GRM8: variants seen among roughly 807,000 people sequenced by gnomAD.
The protein encoded by GRM8 is glutamate metabotropic receptor 8.
In GRM8, 47 loss-of-function variants were observed where a neutral mutation model predicts 87.2. That is an observed-to-expected ratio of 0.54 (90% CI 0.43 to 0.69). The LOEUF (loss-of-function observed/expected upper bound fraction) is 0.69, where lower values mean the gene tolerates loss of function less well. Among genes scored for constraint, GRM8 ranks in the 30% least tolerant of loss-of-function variants. GRM8 has a pLI of 0.00. For missense variants in GRM8, 1,019 were observed against 1,139.2 expected (o/e 0.89, Z 1.52); for synonymous variants, 396 against 404.5 (o/e 0.98, Z 0.25).
chr7:126,590,079 T>C (rs1363873266), intron 8 of GRM8, among the ~76,000 whole-genome samples: 16 of 150,454 alleles, frequency 1.1e-4, no homozygotes, highest in Non-Finnish European at 1.5e-4. Context: ...TTAAGCTAAT[T>C]AAGGAGGCAG....
At chr7:126,785,604 C>T (rs1820540912) in intron 6 of GRM8, among the ~76,000 whole-genome samples, 1 of 151,994 alleles carries the variant, frequency 6.6e-6, no homozygotes, top group South Asian at 2.1e-4. Flanking sequence ...AGACCCGGGT[C>T]TTTTAAGACC....
intron 2 of GRM8, among the ~76,000 whole-genome samples, chr7:127,234,628 A>T (rs1797879934): frequency 6.6e-6 from 1 of 152,226 alleles, no homozygotes; most frequent in African/African-American, 2.4e-5. Context: ...GCAAAAGAGC[A>T]GCATCAGCAT....
At chr7:126,566,068 G>C (rs1003289603) in intron 8 of GRM8, among the ~76,000 whole-genome samples, 3 of 152,090 alleles carry the variant, frequency 2.0e-5, no homozygotes, top group African/African-American at 7.2e-5. Context: ...TGTAAGACCT[G>C]AAATTATAAT....
intron 8 of GRM8, 150 bp downstream of exon 8, chr7:126,609,212 C>A: frequency 1.9e-6 from 1 of 534,278 alleles, no homozygotes; most frequent in Non-Finnish European, 3.3e-6. Context: ...ATGTCCATAA[C>A]ATTTTTAAAT....
chr7:126,612,494 A>G (rs1298577915), intron 7 of GRM8, among the ~76,000 whole-genome samples: 2 of 152,018 alleles, frequency 1.3e-5, no homozygotes, highest in African/African-American at 4.8e-5. Flanking sequence ...TCTTACTCCA[A>G]CCCTGGGGAA....
chr7:127,186,338 A>G (rs537394336), intron 2 of GRM8, among the ~76,000 whole-genome samples: 8 of 152,268 alleles, frequency 5.3e-5, no homozygotes, highest in African/African-American at 1.9e-4. Flanking sequence ...TTCAGATAAC[A>G]CTTTCTACCT....
intron 3 of GRM8, among the ~76,000 whole-genome samples, chr7:127,067,820 T>C (rs1210117138): frequency 6.6e-6 from 1 of 152,216 alleles, no homozygotes; most frequent in Non-Finnish European, 1.5e-5. Context: ...ACAATAATCT[T>C]CATTTTCATC....
chr7:126,901,614 T>G (rs913192989), intron 6 of GRM8, among the ~76,000 whole-genome samples: 14 of 152,144 alleles, frequency 9.2e-5, no homozygotes, highest in African/African-American at 2.9e-4. Context: ...ATCTTTTATT[T>G]GAACAGCTAT....
chr7:127,022,557 G>A (rs1453325646), intron 3 of GRM8, among the ~76,000 whole-genome samples: 1 of 151,930 alleles, frequency 6.6e-6, no homozygotes, highest in Non-Finnish European at 1.5e-5. Flanking sequence ...GGGAGAATAA[G>A]GGATTTCGCT....
intron 9 of GRM8, among the ~76,000 whole-genome samples, chr7:126,472,348 T>C (rs964443532): frequency 6.6e-6 from 1 of 152,158 alleles, no homozygotes; most frequent in Non-Finnish European, 1.5e-5. Context: ...CTTATTATTT[T>C]GAAATACCTC....
rs1438616644 is a variant in GRM8 at position 126,532,965 on chromosome 7, T to G, written c.2417A>C (p.Gln806Pro). 6.2e-7 allele frequency: 1 copy of G among 1,607,174 alleles called. No homozygotes were observed. Among genetic ancestry groups the G allele is most frequent in the Admixed American group, 1.7e-5 (1 of 59,428 alleles). Residue 806 changes from glutamine to proline, a missense_variant, in exon 9 of 11, where the codon CAG (glutamine) becomes CCG (proline). Coordinates refer to ENST00000339582, the MANE Select transcript of GRM8 (RefSeq NM_000845.3). Reference protein sequence around the residue: ...AFIPIFFGTAQSAEKMYIQTT... With the variant: ...AFIPIFFGTAPSAEKMYIQTT... Reference sequence around the variant, plus strand: ...CCTTCTACTTACCTTTTCTGCTGACTGGGCTGTACCAAAAAAGATGGGGAT... The same window carrying G: ...CCTTCTACTTACCTTTTCTGCTGACGGGGCTGTACCAAAAAAGATGGGGAT...
intron 3 of GRM8, among the ~76,000 whole-genome samples, chr7:127,039,658 G>C (rs1818168730): frequency 1.1e-5 from 1 of 91,086 alleles, no homozygotes; most frequent in Non-Finnish European, 2.3e-5. Context: ...AAGGGCAAGA[G>C]AGGGGAAGGG....
At chr7:126,994,015 G>A (rs1812930746) in intron 3 of GRM8, among the ~76,000 whole-genome samples, 1 of 152,152 alleles carries the variant, frequency 6.6e-6, no homozygotes, top group Non-Finnish European at 1.5e-5. Context: ...GGCCAGCTAG[G>A]GGAGTGCTTG....
chr7:127,251,141 A>G (rs1458762275), intron 1 of GRM8: 1 of 152,120 alleles, frequency 6.6e-6, no homozygotes, highest in East Asian at 1.9e-4. Context: ...GGTTTCTGCA[A>G]CCGGCGAGGG....
At chr7:126,661,459 G>A (rs1471554725) in intron 7 of GRM8, among the ~76,000 whole-genome samples, 1 of 152,116 alleles carries the variant, frequency 6.6e-6, no homozygotes, top group Non-Finnish European at 1.5e-5. Context: ...AGGCCAAAAG[G>A]AGAATACATT....
intron 6 of GRM8, among the ~76,000 whole-genome samples, chr7:126,813,092 T>G (rs1420876404): frequency 2.0e-5 from 3 of 151,992 alleles, no homozygotes; most frequent in Non-Finnish European, 2.9e-5. Context: ...GATGAAATAA[T>G]CTGTACAACA....
intron 3 of GRM8, among the ~76,000 whole-genome samples, chr7:127,029,918 T>A (rs948091262): frequency 2.0e-5 from 3 of 152,010 alleles, no homozygotes; most frequent in Admixed American, 1.3e-4. Flanking sequence ...ATGTCCTCTG[T>A]CCCCCAACCT....
chr7:126,523,098 T>C (rs1813241003), intron 9 of GRM8, among the ~76,000 whole-genome samples: 1 of 152,210 alleles, frequency 6.6e-6, no homozygotes, highest in African/African-American at 2.4e-5. Context: ...TCAAAAAGGA[T>C]TTTTGTCAAC....
chr7:127,169,572 G>A (rs1190840913), intron 2 of GRM8, among the ~76,000 whole-genome samples: 2 of 151,828 alleles, frequency 1.3e-5, no homozygotes, highest in Admixed American at 1.3e-4. Context: ...GATTTTCAGT[G>A]TAGCTGAAAC....
Sources: allele counts gnomAD v4.1 joint callset (sites outside exome capture counted in the v4.1 genomes callset), GRCh38; gene constraint gnomAD v4.1.1; transcripts MANE v1.5; gene names NCBI Gene and HGNC (gene_info 2026-07-23, HGNC 2026-07-21).